The following DEPDC5 variants were observed in gnomAD, a reference collection of about 807,000 sequenced individuals.
DEPDC5 encodes the protein GATOR1 complex protein DEPDC5.
A neutral mutation model predicts 217.3 loss-of-function variants in DEPDC5; 73 were observed. The ratio of observed to expected loss-of-function variants is 0.34; its 90% CI spans 0.28 to 0.41. DEPDC5 has a LOEUF of 0.41. Ranked by LOEUF, DEPDC5 falls within the 10% of genes least tolerant of loss-of-function variation. The pLI, the probability that DEPDC5 is intolerant of heterozygous loss-of-function variation, is 1.00. For synonymous variants in DEPDC5, 733 were observed against 756.7 expected (o/e 0.97, Z 0.51); for missense variants, 1,675 against 2,070.1 (o/e 0.81, Z 3.70).
At chr22:31,846,083 G>T (rs940443247) in intron 30 of DEPDC5, among the ~76,000 whole-genome samples, 1 of 152,036 alleles carries the variant, frequency 6.6e-6, no homozygotes, top group African/African-American at 2.4e-5. Flanking sequence ...AAAGTGCTGG[G>T]ATTACAGGCA....
chr22:31,872,687 A>G, intron 34 of DEPDC5, among the ~76,000 whole-genome samples: 1 of 152,206 alleles, frequency 6.6e-6, no homozygotes, highest in Non-Finnish European at 1.5e-5. Context: ...GATGCTTACT[A>G]AGGGCAAGTT....
At chr22:31,815,705 A>AT (rs1050965382) in intron 21 of DEPDC5, 2,408 of 637,218 alleles carry the variant, frequency 3.8e-3, no homozygotes, top group Middle Eastern at 6.5e-3. Context: ...TGATTATCAT[A>AT]TTTTTTTTTG....
chr22:31,898,324 C>T (rs1258660434), intron 40 of DEPDC5, among the ~76,000 whole-genome samples: 2 of 152,138 alleles, frequency 1.3e-5, no homozygotes, highest in African/African-American at 4.8e-5. Flanking sequence ...AGGTTTAGGA[C>T]AGATCAAAGA....
Position 31,824,725 on chromosome 22 carries a change from TG to T in DEPDC5, c.2104+1938del, listed in dbSNP as rs200089741. On this transcript the variant is annotated intron_variant, in intron 24 of 42. Coordinates refer to ENST00000651528, the MANE Select transcript of DEPDC5 (RefSeq NM_001242896.3). ...GCTCACACCTGTAATCCCAGCACGTTGGGAGACCAAGGCGGGTGGATCACGA... is the reference window on the plus strand; with the variant it reads ...GCTCACACCTGTAATCCCAGCACGTTGGAGACCAAGGCGGGTGGATCACGA... Among the ~76,000 whole-genome samples, 927 of 152,016 alleles carry T rather than the reference TG, an allele frequency of 6.1e-3. 6 individuals carry two copies. Among genetic ancestry groups the T allele is most frequent in the African/African-American group, 0.02 (836 of 41,450 alleles).
Position 31,870,592 on chromosome 22 carries a change from A to G in DEPDC5, c.3333A>G (p.Val1111=), listed in dbSNP as rs1231198482. ...RTASSAFYPQ[V]SVDQTATPML... Reference sequence around the variant, plus strand: ...ATTCATTTTTAAATCTCCTGCAGGTATCTGTGGACCAAACAGCCACTCCTA... The same window carrying G: ...ATTCATTTTTAAATCTCCTGCAGGTGTCTGTGGACCAAACAGCCACTCCTA... Residue 1111 remains valine (V), a splice_region_variant and synonymous_variant, in exon 34 of 43, where the codon GTA becomes GTG. Coordinates refer to ENST00000651528, the MANE Select transcript of DEPDC5 (RefSeq NM_001242896.3). 2 of 1,522,596 alleles carry G rather than the reference A, an allele frequency of 1.3e-6. No homozygotes were observed. The highest frequency in any genetic ancestry group is 8.8e-7 in the Non-Finnish European group (1 of 1,137,134). The allele number at this position is 1,522,596 out of a possible 1,614,324, so 94.3% of individuals were successfully genotyped here. A position where few individuals can be genotyped will look rare whatever the true frequency, so the allele number is the denominator to read the frequency against.
Position 31,843,724 on chromosome 22 carries a change from T to C in DEPDC5, c.2713T>C (p.Trp905Arg). The change falls in exon 29 of 43, where the codon TGG becomes CGG. Residue 905 changes from tryptophan to arginine, a missense_variant. This residue lies in a region of DEPDC5 where 293 missense variants were observed against 386.1 expected (regional missense o/e 0.76). Transcript: ENST00000651528. The stretch of plus-strand genomic sequence containing the variant: ...CTCAGACTCAGAGTTCGTCTCCTGC[T>C]GGGTGGAATTCTCCCACGAACGGCT... ...SHSDSEFVSC[W>R]VEFSHERLEE... 6.2e-7 allele frequency: 1 copy of C among 1,614,142 alleles called. No homozygotes were observed. Among genetic ancestry groups the C allele is most frequent in the Non-Finnish European group, 8.5e-7 (1 of 1,180,016 alleles).
At chr22:31,903,862 G>T (rs1227378572) in intron 41 of DEPDC5, among the ~76,000 whole-genome samples, 5 of 151,368 alleles carry the variant, frequency 3.3e-5, no homozygotes, top group African/African-American at 1.2e-4. Flanking sequence ...TGACTTGGGG[G>T]CCCTTGGAGG....
chr22:31,814,767 C>T (rs1336644889), intron 20 of DEPDC5: 5 of 566,162 alleles, frequency 8.8e-6, no homozygotes, highest in Non-Finnish European at 1.6e-5. Flanking sequence ...CAACTATGAT[C>T]CTAGGACTTT....
intron 10 of DEPDC5, among the ~76,000 whole-genome samples, chr22:31,790,803 A>G (rs961531326): frequency 2.0e-5 from 3 of 148,186 alleles, no homozygotes; most frequent in African/African-American, 7.5e-5. Context: ...CTGGAGTGCA[A>G]TGGCACAGTC....
chr22:31,859,767 T>A (rs1331093964), intron 32 of DEPDC5, among the ~76,000 whole-genome samples: 5 of 152,230 alleles, frequency 3.3e-5, no homozygotes, highest in Non-Finnish European at 7.3e-5. Context: ...AGCTGTAGTT[T>A]ACCAACTGCT....
intron 10 of DEPDC5, among the ~76,000 whole-genome samples, chr22:31,790,786 G>A (rs561946529): frequency 2.4e-4 from 33 of 137,452 alleles, no homozygotes; most frequent in African/African-American, 3.6e-4. Flanking sequence ...TCGCTCCGTC[G>A]CCCAGGCTGG....
intron 10 of DEPDC5, among the ~76,000 whole-genome samples, chr22:31,790,769 C>T (rs1189706185): frequency 1.6e-4 from 21 of 130,390 alleles, no homozygotes; most frequent in Admixed American, 9.0e-4. Flanking sequence ...TTTTTTGAGA[C>T]GGAGTCTCGC....
intron 39 of DEPDC5, among the ~76,000 whole-genome samples, chr22:31,897,269 G>T (rs2093570022): frequency 6.6e-6 from 1 of 152,248 alleles, no homozygotes. Context: ...AAGAGGAGCT[G>T]TGTGCTTAGC....
intron 12 of DEPDC5, 33 bp downstream of exon 12, chr22:31,792,850 T>G: frequency 1.4e-6 from 2 of 1,449,678 alleles, no homozygotes; most frequent in East Asian, 5.4e-5. Flanking sequence ...ACTTTTTATT[T>G]ATTTATTAGT....
At chr22:31,881,572 C>T (rs1007389923) in intron 38 of DEPDC5, among the ~76,000 whole-genome samples, 3 of 152,106 alleles carry the variant, frequency 2.0e-5, no homozygotes, top group Non-Finnish European at 4.4e-5. Context: ...CCACCTAGAG[C>T]ACTACCAGGG....
chr22:31,758,495 A>G (rs1569506800), intron 2 of DEPDC5, 51 bp from the exon 3 acceptor site: 1 of 1,519,764 alleles, frequency 6.6e-7, no homozygotes, highest in Non-Finnish European at 9.1e-7. Flanking sequence ...GAGAACATAC[A>G]GTGTACCTAA....
intron 5 of DEPDC5, among the ~76,000 whole-genome samples, chr22:31,765,848 C>T (rs1167460788): frequency 6.6e-6 from 1 of 152,042 alleles, no homozygotes; most frequent in African/African-American, 2.4e-5. Context: ...CATGGTGAAA[C>T]CCTGTCTCTA....
At chr22:31,791,710 C>T (rs1334214892) in intron 10 of DEPDC5, among the ~76,000 whole-genome samples, 1 of 150,540 alleles carries the variant, frequency 6.6e-6, no homozygotes, top group East Asian at 2.0e-4. Flanking sequence ...AGGCGGATCA[C>T]GAGGTCAGGA....
rs1264327219 is a variant in DEPDC5, at chr22:31,879,029, C to CAAAAAA, written c.3806-486_3806-481dup. Among the ~76,000 whole-genome samples, 651 of 67,856 alleles carry CAAAAAA rather than the reference C, an allele frequency of 9.6e-3. 4 individuals are homozygous for CAAAAAA. Among genetic ancestry groups the CAAAAAA allele is most frequent in the Admixed American group, 0.021 (111 of 5,328 alleles). 44.5% of individuals were successfully genotyped at this position (67,856 alleles called of 152,430 possible). ...TGGGCGACAGAGCGAGACTCCGTCTCAAAAAAAAAAAAAAATATATATATA... is the reference window on the plus strand; with the variant it reads ...TGGGCGACAGAGCGAGACTCCGTCTCAAAAAAAAAAAAAAAAAAAAATATATATATA... On this transcript the variant is annotated intron_variant, in intron 37 of 42. Coordinates refer to ENST00000651528, the MANE Select transcript of DEPDC5 (RefSeq NM_001242896.3).
Sources: allele counts gnomAD v4.1 joint callset (sites outside exome capture counted in the v4.1 genomes callset), GRCh38; gene constraint gnomAD v4.1.1; regional missense constraint gnomAD v4.1.1; transcripts MANE v1.5; gene names NCBI Gene and HGNC (gene_info 2026-07-23, HGNC 2026-07-21).